COL14A1: variants seen among roughly 807,000 people sequenced by gnomAD.
COL14A1 encodes the protein collagen alpha-1(XIV) chain.
In COL14A1, 136 loss-of-function variants were observed where a neutral mutation model predicts 230.3. That is an observed-to-expected ratio of 0.59 (90% confidence interval 0.51 to 0.68). COL14A1 has a LOEUF of 0.68. Ranked by LOEUF, COL14A1 falls within the 30% of genes least tolerant of loss-of-function variation. COL14A1 has a pLI of 0.00. For synonymous variants in COL14A1, 792 were observed against 784.1 expected (o/e 1.01, Z -0.17); for missense variants, 1,976 against 2,215.8 (o/e 0.89, Z 2.17).
At chr8:120,356,839 T>G (rs749974224) in intron 45 of COL14A1, among the ~76,000 whole-genome samples, 1 of 152,156 alleles carries the variant, frequency 6.6e-6, no homozygotes, top group Non-Finnish European at 1.5e-5. Flanking sequence ...CTTTCTTTTT[T>G]CCACCCAGGA....
intron 19 of COL14A1, among the ~76,000 whole-genome samples, chr8:120,237,864 A>G (rs1314843756): frequency 6.6e-6 from 1 of 152,142 alleles, no homozygotes; most frequent in Non-Finnish European, 1.5e-5. Context: ...TCTAACAGTC[A>G]GGCCCCTCTG....
At chr8:120,350,143 C>T (rs1003518495) in intron 45 of COL14A1, among the ~76,000 whole-genome samples, 1 of 151,816 alleles carries the variant, frequency 6.6e-6, no homozygotes, top group African/African-American at 2.4e-5. Flanking sequence ...ACTAAGCTTC[C>T]TAAGTGAAGG....
intron 5 of COL14A1, among the ~76,000 whole-genome samples, chr8:120,174,966 C>T (rs1053148626): frequency 6.6e-6 from 1 of 152,144 alleles, no homozygotes; most frequent in Non-Finnish European, 1.5e-5. Flanking sequence ...TCCTCCAAGT[C>T]GTGGTACTCT....
intron 19 of COL14A1, chr8:120,231,866 C>G: frequency 2.5e-6 from 1 of 399,872 alleles, no homozygotes; most frequent in Non-Finnish European, 4.5e-6. Context: ...AATATTGCTT[C>G]TCTTCTGCTG....
chr8:120,214,493 G>T (rs1785353726), intron 13 of COL14A1, among the ~76,000 whole-genome samples: 1 of 152,152 alleles, frequency 6.6e-6, no homozygotes. Context: ...AGGGGTCCTT[G>T]AAGAGGTTCA....
intron 19 of COL14A1, among the ~76,000 whole-genome samples, chr8:120,240,477 G>A (rs538787859): frequency 6.6e-6 from 1 of 152,250 alleles, no homozygotes; most frequent in African/African-American, 2.4e-5. Context: ...ATTAAAGTCT[G>A]AGGGTCTTGA....
chr8:120,337,557 C>T (rs1275005253), intron 42 of COL14A1, among the ~76,000 whole-genome samples: 1 of 152,182 alleles, frequency 6.6e-6, no homozygotes, highest in Non-Finnish European at 1.5e-5. Context: ...GATGTTTTGA[C>T]TCTGTTTAAC....
intron 36 of COL14A1, 56 bp downstream of exon 36, chr8:120,300,874 C>T (rs1326070578): frequency 7.4e-7 from 1 of 1,344,032 alleles, no homozygotes; most frequent in African/African-American, 1.4e-5. Context: ...ATAGCTATCA[C>T]TTGTGTGTCT....
chr8:120,144,338 A>C (rs554312265), intron 1 of COL14A1, among the ~76,000 whole-genome samples: 5 of 152,148 alleles, frequency 3.3e-5, no homozygotes, highest in Non-Finnish European at 7.4e-5. Context: ...ATTAATGTTT[A>C]AAAAAAGCGA....
At chr8:120,291,896 CATT>C (rs1167501382) in intron 34 of COL14A1, among the ~76,000 whole-genome samples, 1 of 152,110 alleles carries the variant, frequency 6.6e-6, no homozygotes, top group Non-Finnish European at 1.5e-5. Context: ...GAAACCGCGT[CATT>C]GTCTTTGTTT....
chr8:120,335,475 G>A (rs1191903596), intron 42 of COL14A1, among the ~76,000 whole-genome samples: 1 of 152,132 alleles, frequency 6.6e-6, no homozygotes, highest in Non-Finnish European at 1.5e-5. Flanking sequence ...TCTCTGAACT[G>A]TCCAGCCCAG....
At chr8:120,191,860 A>C (rs1467168787) in intron 5 of COL14A1, among the ~76,000 whole-genome samples, 2 of 152,080 alleles carry the variant, frequency 1.3e-5, no homozygotes, top group Non-Finnish European at 2.9e-5. Context: ...AGAGGCTAGG[A>C]TTGCAACCCC....
chr8:120,159,763 C>A (rs1815599762), intron 3 of COL14A1, among the ~76,000 whole-genome samples: 2 of 152,184 alleles, frequency 1.3e-5, no homozygotes. Flanking sequence ...GCAATCTCGG[C>A]TCACTGCAAC....
intron 17 of COL14A1, 139 bp downstream of exon 17, chr8:120,227,491 C>A: frequency 1.9e-6 from 2 of 1,061,738 alleles, no homozygotes; most frequent in Non-Finnish European, 1.4e-6. Flanking sequence ...CTTCATATAT[C>A]TTCACTTTCA....
At chr8:120,237,628 A>G (rs1307189178) in intron 19 of COL14A1, among the ~76,000 whole-genome samples, 1 of 152,152 alleles carries the variant, frequency 6.6e-6, no homozygotes, top group East Asian at 1.9e-4. Context: ...CATTAAACTC[A>G]TTCTCCTTCC....
chr8:120,207,729 C>A (rs938404831), intron 10 of COL14A1, among the ~76,000 whole-genome samples: 2 of 151,416 alleles, frequency 1.3e-5, no homozygotes, highest in Non-Finnish European at 2.9e-5. Flanking sequence ...TTTTGTTGTT[C>A]TAGCCTCTGA....
intron 5 of COL14A1, among the ~76,000 whole-genome samples, chr8:120,195,074 A>C (rs1481697223): frequency 6.6e-6 from 1 of 152,164 alleles, no homozygotes; most frequent in Non-Finnish European, 1.5e-5. Flanking sequence ...TCCATAATGA[A>C]TATTGGAGTA....
At chr8:120,264,479 A>G (rs1442264244) in intron 24 of COL14A1, among the ~76,000 whole-genome samples, 2 of 152,146 alleles carry the variant, frequency 1.3e-5, no homozygotes, top group African/African-American at 4.8e-5. Flanking sequence ...ACTCATCAAT[A>G]AAATTAAATA....
intron 14 of COL14A1, among the ~76,000 whole-genome samples, 154 bp from the exon 15 acceptor site, chr8:120,224,934 G>A (rs1056932189): frequency 6.6e-6 from 1 of 152,220 alleles, no homozygotes; most frequent in African/African-American, 2.4e-5. Context: ...TGTAAGATCA[G>A]AAATGTTCAT....
Sources: allele counts gnomAD v4.1 joint callset (sites outside exome capture counted in the v4.1 genomes callset), GRCh38; gene constraint gnomAD v4.1.1; transcripts MANE v1.5; gene names NCBI Gene and HGNC (gene_info 2026-07-23, HGNC 2026-07-21).